OVOL1: variants seen among roughly 807,000 people sequenced by gnomAD.
OVOL1 encodes the protein ovo like transcriptional repressor 1.
OVOL1 carries 10 observed loss-of-function variants against 21.5 expected under a neutral mutation model. The observed-to-expected ratio is 0.46, with a 90% confidence interval of 0.29 to 0.79. OVOL1 has a LOEUF of 0.79. OVOL1 is among the 30% of genes least tolerant of loss of function. OVOL1 has a pLI of 0.10. For missense variants in OVOL1, 279 were observed against 362.3 expected (o/e 0.77, Z 1.87); for synonymous variants, 129 against 150.3 (o/e 0.86, Z 1.03).
chr11:65,797,012 CTT>C lies in OVOL1; in HGVS notation c.*1672_*1673del, dbSNP rs1242450183. On this transcript the variant is annotated 3_prime_UTR_variant, in exon 4 of 4. Transcript: ENST00000335987. The stretch of plus-strand genomic sequence containing the variant: ...TGTGTATAGATTGATTCTAAAATCT[CTT>C]GTTTCACTTGACTTTAGAGTGTCTG... The C allele has an allele frequency of 6.6e-6, 1 of 152,212 alleles. No homozygotes were observed. Among genetic ancestry groups the C allele is most frequent in the South Asian group, 2.1e-4 (1 of 4,832 alleles). The allele number at this position is 152,212 out of a possible 1,614,324, so 9.4% of individuals were successfully genotyped here. A position where few individuals can be genotyped will look rare whatever the true frequency, so the allele number is the denominator to read the frequency against.
Position 65,794,541 on chromosome 11 carries a change from A to G in OVOL1, c.322A>G (p.Thr108Ala). The change falls in exon 3 of 4, where the codon ACC (threonine) becomes GCC (alanine). Residue 108 changes from threonine (T) to alanine (A), a missense_variant. Coordinates refer to ENST00000335987, the MANE Select transcript of OVOL1 (RefSeq NM_004561.4). The part of the protein sequence containing the change: ...HGFLRTKMKV[T>A]LGDSPSGDLF... ...GCAATGCCGTCCTCACCCACAGGTG[A>G]CCCTTGGGGACAGTCCCAGTGGAGA... The G allele has an allele frequency of 6.2e-7, 1 of 1,611,922 alleles. No homozygotes were observed. Among genetic ancestry groups the G allele is most frequent in the Non-Finnish European group, 8.5e-7 (1 of 1,179,026 alleles).
chr11:65,795,548 T>C lies in OVOL1; in HGVS notation c.*207T>C, dbSNP rs1309573340. On this transcript the variant is annotated 3_prime_UTR_variant, in exon 4 of 4. Coordinates refer to ENST00000335987, the MANE Select transcript of OVOL1 (RefSeq NM_004561.4). The surrounding 1 kb of genome is among the most constrained non-coding windows in gnomAD (Gnocchi z 5.7). The stretch of plus-strand genomic sequence containing the variant: ...TGCTCATTTTTGCATTTTTGACTTA[T>C]GGGCCGAGGCTGTTCTGAGCCTGGG... 1.8e-5 allele frequency: 11 copies of C among 600,650 alleles called. No homozygotes were observed. Among genetic ancestry groups the C allele is most frequent in the East Asian group, 1.7e-4 (6 of 36,226 alleles). 37.2% of individuals were successfully genotyped at this position (600,650 alleles called of 1,614,324 possible).
At chr11:65,788,804 G>T in intron 1 of OVOL1, 1 of 985,454 alleles carries the variant, frequency 1.0e-6, no homozygotes, top group Non-Finnish European at 1.2e-6. Flanking sequence ...GGAAACTGAG[G>T]CAAAAAGGGA....
intron 1 of OVOL1, chr11:65,788,883 T>G: frequency 1.0e-6 from 1 of 985,438 alleles, no homozygotes; most frequent in Non-Finnish European, 1.2e-6. Flanking sequence ...GCTTCTTGCT[T>G]GGCCACACTC....
chr11:65,787,314 T>C lies in OVOL1; in HGVS notation c.-60T>C. The stretch of plus-strand genomic sequence containing the variant: ...GGCGTTCAGCCCGGCCCCGCAAAGG[T>C]GGGACGGCTCCCGGCTTCAGTTACG... On this transcript the variant is annotated 5_prime_UTR_variant, in exon 1 of 4. Transcript: ENST00000335987. 6 of 1,399,484 alleles carry C rather than the reference T, an allele frequency of 4.3e-6. No homozygotes were observed. The highest frequency in any genetic ancestry group is 4.9e-6 in the Non-Finnish European group (5 of 1,018,002). The allele number at this position is 1,399,484 out of a possible 1,614,324, so 86.7% of individuals were successfully genotyped here.
At chr11:65,792,023 C>G (rs952980924) in intron 1 of OVOL1, among the ~76,000 whole-genome samples, 1 of 152,200 alleles carries the variant, frequency 6.6e-6, no homozygotes. Flanking sequence ...CATCCCCACC[C>G]TGGCAGCGGG....
chr11:65,793,323 GAC>G (rs1858061662), intron 1 of OVOL1, among the ~76,000 whole-genome samples: 1 of 152,210 alleles, frequency 6.6e-6, no homozygotes, highest in Non-Finnish European at 1.5e-5. Flanking sequence ...AGCCCAGCCC[GAC>G]ATGCCCCGGC....
Position 65,787,278 on chromosome 11 carries a change from C to T in OVOL1, c.-96C>T, listed in dbSNP as rs370761293. On this transcript the variant is annotated 5_prime_UTR_variant, in exon 1 of 4. Coordinates refer to ENST00000335987, the MANE Select transcript of OVOL1 (RefSeq NM_004561.4). ...CCTTAGCGACTCCTTCCCTGTTGTG[C>T]CCCCGTTCCCGGCGTTCAGCCCGGC... The T allele has an allele frequency of 2.8e-5, 29 of 1,030,606 alleles. 1 individual carries two copies. In the South Asian group the frequency reaches 3.0e-4, roughly 11 times the overall value. 63.8% of individuals were successfully genotyped at this position (1,030,606 alleles called of 1,614,324 possible). A position where few individuals can be genotyped will look rare whatever the true frequency, so the allele number is the denominator to read the frequency against.
Position 65,796,251 on chromosome 11 carries a change from A to G in OVOL1, c.*910A>G, listed in dbSNP as rs531134539. The G allele has an allele frequency of 6.6e-6, 1 of 152,634 alleles. No individual in the cohort carries two copies. Among genetic ancestry groups the G allele is most frequent in the African/African-American group, 2.4e-5 (1 of 41,534 alleles). The allele number at this position is 152,634 out of a possible 1,614,324, so 9.5% of individuals were successfully genotyped here. On this transcript the variant is annotated 3_prime_UTR_variant, in exon 4 of 4. Transcript: ENST00000335987. ...GACAGCCACTAGAAGATCTTCCTCC[A>G]GCGGCGCCCTGGACGGCTGCTCCTG... is the stretch of plus-strand genomic sequence containing the variant.
chr11:65,787,289 G>A lies in OVOL1; in HGVS notation c.-85G>A. 8.6e-7 allele frequency: 1 copy of A among 1,164,588 alleles called. No homozygotes were observed. The highest frequency in any genetic ancestry group is 1.2e-6 in the Non-Finnish European group (1 of 810,038). 72.1% of individuals were successfully genotyped at this position (1,164,588 alleles called of 1,614,324 possible). A position where few individuals can be genotyped will look rare whatever the true frequency, so the allele number is the denominator to read the frequency against. ...CCTTCCCTGTTGTGCCCCCGTTCCC[G>A]GCGTTCAGCCCGGCCCCGCAAAGGT... On this transcript the variant is annotated 5_prime_UTR_variant, in exon 1 of 4. Transcript: ENST00000335987.
At chr11:65,789,742 A>G in intron 1 of OVOL1, 1 of 977,670 alleles carries the variant, frequency 1.0e-6, no homozygotes, top group Non-Finnish European at 1.2e-6. Flanking sequence ...TGGAGGGCCC[A>G]GGAATGTGGG....
At chr11:65,793,312 G>C (rs1858061290) in intron 1 of OVOL1, among the ~76,000 whole-genome samples, 1 of 152,230 alleles carries the variant, frequency 6.6e-6, no homozygotes, top group African/African-American at 2.4e-5. Flanking sequence ...GCTGCTGAGG[G>C]AGCCCAGCCC....
chr11:65,794,241 A>G lies in OVOL1; in HGVS notation c.311A>G (p.Lys104Arg), dbSNP rs1858082173. 6.2e-7 allele frequency: 1 copy of G among 1,612,722 alleles called. No homozygotes were observed. The change falls in exon 2 of 4, where the codon AAG becomes AGG. Residue 104 changes from lysine to arginine, a missense_variant. Physicochemically the swap from Lys to Arg is conservative, Grantham distance 26. Coordinates refer to ENST00000335987, the MANE Select transcript of OVOL1 (RefSeq NM_004561.4). ...QSRDHGFLRTKMKVTLGDSPS... is the reference protein window; with the variant it reads ...QSRDHGFLRTRMKVTLGDSPS... ...AGAGACCATGGCTTCCTGCGCACCA[A>G]GATGAAGGTAATGCCACTCGCGCTG...
chr11:65,794,898 G>A, intron 3 of OVOL1, 148 bp from the exon 4 acceptor site: 1 of 982,080 alleles, frequency 1.0e-6, no homozygotes, highest in Non-Finnish European at 1.5e-6. Context: ...TTTGATTTGA[G>A]AGTCACTCGG....
intron 1 of OVOL1, among the ~76,000 whole-genome samples, chr11:65,791,359 G>A (rs1590999203): frequency 6.6e-6 from 1 of 152,246 alleles, no homozygotes; most frequent in Non-Finnish European, 1.5e-5. Flanking sequence ...CTGGGCCCCC[G>A]TCTCACCTTC....
chr11:65,794,972 CTG>C, intron 3 of OVOL1, 72 bp from the exon 4 acceptor site: 1 of 1,488,050 alleles, frequency 6.7e-7, no homozygotes, highest in South Asian at 1.2e-5. Context: ...CCTGTCCTTT[CTG>C]TGTCTGGAAG....
intron 1 of OVOL1, among the ~76,000 whole-genome samples, chr11:65,792,752 T>C (rs1354417679): frequency 2.0e-5 from 3 of 152,228 alleles, no homozygotes; most frequent in African/African-American, 7.2e-5. Flanking sequence ...ACCTTTGTTG[T>C]GTTTTGAGGG....
chr11:65,788,035 C>G (rs1857938482), intron 1 of OVOL1, among the ~76,000 whole-genome samples: 1 of 152,178 alleles, frequency 6.6e-6, no homozygotes, highest in Non-Finnish European at 1.5e-5. Context: ...CCCAAATTTT[C>G]GTTGGGCTCC....
chr11:65,793,987 C>T, intron 1 of OVOL1, 44 bp from the exon 2 acceptor site: 5 of 1,529,440 alleles, frequency 3.3e-6, no homozygotes, highest in Non-Finnish European at 4.5e-6. Context: ...CCGCTGGACC[C>T]TCTCTTCTCC....
Sources: gnomAD v4.1 joint callset for allele counts (sites outside exome capture counted in the v4.1 genomes callset) on GRCh38, gnomAD v4.1.1 for gene constraint, Gnocchi (gnomAD v3.1) non-coding constraint, MANE v1.5 for transcripts, NCBI Gene and HGNC (gene_info 2026-07-23, HGNC 2026-07-21) for gene names.